Variants in RABGAP1L observed in about 807,000 individuals in gnomAD.
RABGAP1L encodes rab GTPase-activating protein 1-like.
In RABGAP1L, 63 loss-of-function variants were observed where a neutral mutation model predicts 137.7. The observed-to-expected ratio is 0.46, with a 90% CI of 0.37 to 0.56. The LOEUF (loss-of-function observed/expected upper bound fraction) is 0.56, where lower values mean the gene tolerates loss of function less well. Among genes scored for constraint, RABGAP1L ranks in the 20% least tolerant of loss-of-function variants. RABGAP1L has a pLI of 0.00. For synonymous variants in RABGAP1L, 431 were observed against 433.7 expected, an observed-to-expected ratio of 0.99 and a Z score of 0.08; for missense variants, 1,095 against 1,244.0, an observed-to-expected ratio of 0.88 and a Z score of 1.80.
At chr1:174,309,495 A>G (rs1186804857) in intron 11 of RABGAP1L, among the ~76,000 whole-genome samples, 3 of 152,072 alleles carry the variant, frequency 2.0e-5, no homozygotes, top group African/African-American at 7.2e-5. Context: ...TGGGTTTGAC[A>G]TATATGGCCT....
chr1:174,668,865 A>T (rs759511620), intron 14 of RABGAP1L, among the ~76,000 whole-genome samples: 1 of 152,096 alleles, frequency 6.6e-6, no homozygotes, highest in Non-Finnish European at 1.5e-5. Flanking sequence ...AATTAGTGAC[A>T]CATTTTTTCA....
intron 3 of RABGAP1L, 87 bp from the exon 4 acceptor site, chr1:174,231,058 T>A: frequency 2.1e-6 from 2 of 946,418 alleles, no homozygotes; most frequent in Non-Finnish European, 3.2e-6. Context: ...GTTTGAAATA[T>A]TTCATTTCTT....
At chr1:174,949,793 C>A (rs536754093) in intron 19 of RABGAP1L, among the ~76,000 whole-genome samples, 10 of 152,194 alleles carry the variant, frequency 6.6e-5, no homozygotes, top group African/African-American at 2.4e-4. Flanking sequence ...AAATATTATA[C>A]AAGATTAGAC....
chr1:174,572,622 C>T (rs1284011474), intron 13 of RABGAP1L, among the ~76,000 whole-genome samples: 1 of 152,154 alleles, frequency 6.6e-6, no homozygotes, highest in African/African-American at 2.4e-5. Flanking sequence ...ACCTCGTGAT[C>T]TGCCCTCCTC....
chr1:174,979,605 A>G lies in RABGAP1L; in HGVS notation c.2733+715A>G, dbSNP rs73041294. Among the ~76,000 whole-genome samples, 792 of 152,352 alleles carry G rather than the reference A, an allele frequency of 5.2e-3. 8 individuals are homozygous for G. The highest frequency in any genetic ancestry group is 0.018 in the African/African-American group (746 of 41,580). On this transcript the variant is annotated intron_variant, in intron 23 of 25. Coordinates refer to ENST00000681986, the MANE Select transcript of RABGAP1L (RefSeq NM_001366446.1). ...AGTGTGCCCTTTGCTACCATGGTAC[A>G]GAATGTGGTAGGCACTCTTTTTCCT...
At chr1:174,781,519 C>T (rs570202518) in intron 18 of RABGAP1L, among the ~76,000 whole-genome samples, 1 of 152,250 alleles carries the variant, frequency 6.6e-6, no homozygotes, top group South Asian at 2.1e-4. Context: ...TGTAGGTTGC[C>T]TGTTCACTCT....
intron 13 of RABGAP1L, among the ~76,000 whole-genome samples, chr1:174,570,246 A>G (rs1192385462): frequency 6.6e-6 from 1 of 152,224 alleles, no homozygotes; most frequent in Non-Finnish European, 1.5e-5. Context: ...CAGTTCTGTC[A>G]TCATCACTAT....
At chr1:174,400,913 A>C (rs79894831) in intron 13 of RABGAP1L, among the ~76,000 whole-genome samples, 147 of 152,234 alleles carry the variant, frequency 9.7e-4, no homozygotes, top group African/African-American at 3.1e-3. Flanking sequence ...TGGTTTTATA[A>C]TCTATAGAAA....
At chr1:174,388,057 C>T (rs1017032283) in intron 12 of RABGAP1L, among the ~76,000 whole-genome samples, 15 of 151,822 alleles carry the variant, frequency 9.9e-5, no homozygotes, top group Admixed American at 2.6e-4. Context: ...TCCTAAGTGT[C>T]GGGAAAAATA....
intron 13 of RABGAP1L, among the ~76,000 whole-genome samples, chr1:174,546,231 A>G (rs552182349): frequency 7.1e-4 from 108 of 152,362 alleles, no homozygotes; most frequent in African/African-American, 1.2e-3. Context: ...CTTTAGATCA[A>G]TGATGTCCAA....
intron 13 of RABGAP1L, among the ~76,000 whole-genome samples, chr1:174,581,414 T>C (rs1668735421): frequency 6.6e-6 from 1 of 152,232 alleles, no homozygotes; most frequent in African/African-American, 2.4e-5. Context: ...GGAAAGATGC[T>C]AAGCGAATGA....
chr1:174,993,178 T>G lies in RABGAP1L; in HGVS notation c.*3177T>G, dbSNP rs1672167605. The G allele has an allele frequency of 6.6e-6, 1 of 152,234 alleles. No individual in the cohort carries two copies. Among genetic ancestry groups the G allele is most frequent in the Admixed American group, 6.5e-5 (1 of 15,286 alleles). The allele number at this position is 152,234 out of a possible 1,614,324, so 9.4% of individuals were successfully genotyped here. A position where few individuals can be genotyped will look rare whatever the true frequency, so the allele number is the denominator to read the frequency against. On this transcript the variant is annotated 3_prime_UTR_variant, in exon 26 of 26. Coordinates refer to ENST00000681986, the MANE Select transcript of RABGAP1L (RefSeq NM_001366446.1). ...CATGTCAAAATTTGGTTTTATTTAG[T>G]TACATATAATTTAATGCAAAGAAAT... is the stretch of plus-strand genomic sequence containing the variant.
intron 14 of RABGAP1L, among the ~76,000 whole-genome samples, chr1:174,659,502 CT>C (rs1676215049): frequency 6.6e-6 from 1 of 152,302 alleles, no homozygotes; most frequent in Admixed American, 6.5e-5. Context: ...GCTTCTACTA[CT>C]TTTTTTCTTG....
intron 20 of RABGAP1L, among the ~76,000 whole-genome samples, chr1:174,968,226 T>G (rs1419214786): frequency 6.6e-6 from 1 of 152,252 alleles, no homozygotes; most frequent in Non-Finnish European, 1.5e-5. Context: ...ATTTGTCTTC[T>G]AGTTTTTTGT....
intron 19 of RABGAP1L, among the ~76,000 whole-genome samples, chr1:174,947,212 CT>C (rs750993057): frequency 0.022 from 2,628 of 119,288 alleles, 66 homozygotes; most frequent in African/African-American, 0.081. Flanking sequence ...TAATTTTTTT[CT>C]TTTTTTTTTT....
intron 13 of RABGAP1L, among the ~76,000 whole-genome samples, chr1:174,481,054 T>A (rs1428314374): frequency 6.6e-6 from 1 of 152,224 alleles, no homozygotes; most frequent in East Asian, 1.9e-4. Flanking sequence ...ATCTGTCCAG[T>A]TACCTTTGTA....
intron 7 of RABGAP1L, among the ~76,000 whole-genome samples, chr1:174,270,700 C>G (rs1034393860): frequency 6.6e-6 from 1 of 152,026 alleles, no homozygotes; most frequent in Non-Finnish European, 1.5e-5. Flanking sequence ...AAACTGTTAG[C>G]ATTATTTCCT....
chr1:174,874,578 CT>C (rs10530813), intron 19 of RABGAP1L: 53,595 of 226,774 alleles, frequency 0.24, 1,864 homozygotes, highest in Middle Eastern at 0.26. Context: ...ACACCACTGC[CT>C]TTTTTTTTTT....
intron 13 of RABGAP1L, among the ~76,000 whole-genome samples, chr1:174,550,945 C>CATGTATATAT (rs1666433207): frequency 1.4e-5 from 1 of 70,520 alleles, no homozygotes; most frequent in Non-Finnish European, 2.5e-5. Flanking sequence ...CATATATATA[C>CATGTATATAT]ACACATATAT....
Sources: allele counts gnomAD v4.1 joint callset (sites outside exome capture counted in the v4.1 genomes callset), GRCh38; gene constraint gnomAD v4.1.1; transcripts MANE v1.5; gene names NCBI Gene and HGNC (gene_info 2026-07-23, HGNC 2026-07-21).